The following BRWD1 variants were observed in gnomAD, a reference collection of about 807,000 sequenced individuals.
The protein encoded by BRWD1 is bromodomain and WD repeat-containing protein 1.
Under a neutral mutation model 251.2 loss-of-function variants are expected in BRWD1, and 82 were observed. The observed-to-expected ratio is 0.33, with a 90% confidence interval of 0.27 to 0.39. The LOEUF (loss-of-function observed/expected upper bound fraction) is 0.39, where lower values mean the gene tolerates loss of function less well. Among genes scored for constraint, BRWD1 ranks in the 10% least tolerant of loss-of-function variants. The probability of loss-of-function intolerance (pLI) is 1.00; values close to 1 mark genes in which losing one functional copy is unlikely to be tolerated. For missense variants in BRWD1, 2,233 were observed against 2,711.6 expected (o/e 0.82, Z 3.92); for synonymous variants, 918 against 902.8 (o/e 1.02, Z -0.30).
At chr21:39,308,554 T>C (rs2036364207) in intron 4 of BRWD1, among the ~76,000 whole-genome samples, 3 of 151,012 alleles carry the variant, frequency 2.0e-5, no homozygotes, top group Admixed American at 6.6e-5. Flanking sequence ...AATAACAGCA[T>C]GGTCACAAGT....
chr21:39,281,543 A>G (rs2146706903), intron 8 of BRWD1, among the ~76,000 whole-genome samples: 1 of 152,218 alleles, frequency 6.6e-6, no homozygotes, highest in East Asian at 1.9e-4. Flanking sequence ...AAAAAATACA[A>G]AATTGTCCAG....
At chr21:39,293,027 T>C (rs1249964657) in intron 8 of BRWD1, among the ~76,000 whole-genome samples, 1 of 152,172 alleles carries the variant, frequency 6.6e-6, no homozygotes, top group Non-Finnish European at 1.5e-5. Context: ...AATGAAATAT[T>C]TGCAGAAGAA....
At chr21:39,240,713 C>A (rs1209654736) in intron 21 of BRWD1, among the ~76,000 whole-genome samples, 1 of 152,114 alleles carries the variant, frequency 6.6e-6, no homozygotes, top group Non-Finnish European at 1.5e-5. Flanking sequence ...ATGGAGTGAT[C>A]TCAAAGATAT....
upstream of BRWD1, chr21:39,315,578 G>A (rs1410478343): frequency 6.6e-6 from 1 of 151,878 alleles, no homozygotes; most frequent in Non-Finnish European, 1.5e-5. Context: ...AGGCTGCAGT[G>A]AACCGAGATC....
At position 39,296,268 on chromosome 21, in the gene BRWD1, G is replaced by A. The variant is rs1232147124; in HGVS notation, c.445C>T (p.Leu149Phe). 1.3e-6 allele frequency: 2 copies of A among 1,592,098 alleles called. No individual in the cohort carries two copies. Among genetic ancestry groups the A allele is most frequent in the Non-Finnish European group, 1.7e-6 (2 of 1,172,214 alleles). ...CTCAAAGGCCAACCTTACTTACCAA[G>A]ATTTGGTGGGGAACCATAATTCACT... ...MPVNYGSPPNLVEIHRGKQLT... is the reference protein window; with the variant it reads ...MPVNYGSPPNFVEIHRGKQLT... Residue 149 changes from leucine to phenylalanine, a missense_variant, in exon 6 of 41, where the codon CTT (leucine) becomes TTT (phenylalanine). This residue lies in a region of BRWD1 where 185 missense variants were observed against 260.6 expected (regional missense o/e 0.71). Transcript: ENST00000342449.
intron 21 of BRWD1, among the ~76,000 whole-genome samples, chr21:39,247,141 G>A (rs1306869873): frequency 6.6e-6 from 1 of 152,122 alleles, no homozygotes; most frequent in East Asian, 1.9e-4. Context: ...AAAAGAAAAT[G>A]TATCAGTGAT....
intron 17 of BRWD1, among the ~76,000 whole-genome samples, chr21:39,259,045 T>C (rs935294872): frequency 6.6e-5 from 10 of 152,216 alleles, no homozygotes; most frequent in African/African-American, 1.9e-4. Context: ...AGAGCAACTA[T>C]GGGTCATTTC....
chr21:39,255,929 A>T (rs2034549083), intron 18 of BRWD1, 101 bp from the exon 19 acceptor site: 10 of 1,057,572 alleles, frequency 9.5e-6, no homozygotes, highest in Non-Finnish European at 1.4e-5. Flanking sequence ...CACCAAAAAT[A>T]AAGAACTAAG....
chr21:39,229,201 C>T, intron 26 of BRWD1, 111 bp downstream of exon 26: 1 of 950,488 alleles, frequency 1.1e-6, no homozygotes, highest in Non-Finnish European at 1.6e-6. Flanking sequence ...AGGCTATCCA[C>T]AGTGCTCTAC....
At chr21:39,216,226 C>T (rs779220213) in intron 31 of BRWD1, among the ~76,000 whole-genome samples, 1 of 152,072 alleles carries the variant, frequency 6.6e-6, no homozygotes, top group Non-Finnish European at 1.5e-5. Context: ...TTTATACTTA[C>T]CAGTGCTCTA....
intron 9 of BRWD1, among the ~76,000 whole-genome samples, chr21:39,279,233 T>C (rs1272921305): frequency 1.3e-5 from 2 of 152,258 alleles, no homozygotes; most frequent in African/African-American, 4.8e-5. Context: ...TATTTGAGAC[T>C]CAAAATACAT....
chr21:39,273,494 A>C (rs2146681986), intron 13 of BRWD1, among the ~76,000 whole-genome samples: 1 of 152,342 alleles, frequency 6.6e-6, no homozygotes, highest in South Asian at 2.1e-4. Flanking sequence ...TTAAAAACAA[A>C]GCATTTGGGA....
intron 20 of BRWD1, among the ~76,000 whole-genome samples, chr21:39,248,352 C>A (rs1378401819): frequency 6.6e-6 from 1 of 152,014 alleles, no homozygotes; most frequent in Non-Finnish European, 1.5e-5. Flanking sequence ...GGGCTTACAC[C>A]TGTAATTCCA....
rs199725868 is a variant in BRWD1 at position 39,263,642 on chromosome 21, A to G, written c.1885+818T>C. 2.2e-4 allele frequency among the ~76,000 whole-genome samples: 33 copies of G among 152,340 alleles called. 1 individual carries two copies. The East Asian group carries it at 6.4e-3, about 29-fold the overall frequency. On this transcript the variant is annotated intron_variant, in intron 17 of 40. Coordinates refer to ENST00000342449, the MANE Select transcript of BRWD1 (RefSeq NM_033656.4). ...AGGGAGCAATGATACATATGATGCA[A>G]TGACAGAACAATGATGAAGTTAGAA... is the stretch of plus-strand genomic sequence containing the variant.
intron 4 of BRWD1, among the ~76,000 whole-genome samples, chr21:39,301,989 T>TTG (rs2036133050): frequency 7.3e-6 from 1 of 137,154 alleles, no homozygotes; most frequent in Non-Finnish European, 1.5e-5. Flanking sequence ...TTTTTTTTTT[T>TTG]TTTTTTTTTT....
At chr21:39,244,109 G>A (rs944758032) in intron 21 of BRWD1, among the ~76,000 whole-genome samples, 1 of 151,846 alleles carries the variant, frequency 6.6e-6, no homozygotes, top group South Asian at 2.1e-4. Context: ...TGTCGCCCAG[G>A]CTGGAGTGCA....
chr21:39,309,803 C>T lies in BRWD1; in HGVS notation c.198+3038G>A, dbSNP rs112454521. ...TCGCACCGCTGCACTCCAGCCTGGG[C>T]GACAGAGCGAGACTCCGTCTCAAAA... On this transcript the variant is annotated intron_variant, in intron 4 of 40. Transcript: ENST00000342449. 4.8e-3 allele frequency among the ~76,000 whole-genome samples: 591 copies of T among 123,504 alleles called. 7 individuals carry two copies. Among genetic ancestry groups the T allele is most frequent in the African/African-American group, 0.018 (577 of 32,060 alleles). 81.0% of individuals were successfully genotyped at this position (123,504 alleles called of 152,430 possible). A position where few individuals can be genotyped will look rare whatever the true frequency, so the allele number is the denominator to read the frequency against.
At chr21:39,293,787 G>C in intron 8 of BRWD1, 24 bp downstream of exon 8, 3 of 1,572,844 alleles carry the variant, frequency 1.9e-6, no homozygotes, top group Non-Finnish European at 2.6e-6. Context: ...ATATAGGAAT[G>C]TGCCCACTAA....
At position 39,313,466 on chromosome 21, in the gene BRWD1, C is replaced by G; in HGVS notation, c.26G>C (p.Arg9Pro). 1.6e-6 allele frequency: 2 copies of G among 1,275,756 alleles called. No homozygotes were observed. The highest frequency in any genetic ancestry group is 1.9e-5 in the South Asian group (1 of 51,756). The allele number at this position is 1,275,756 out of a possible 1,614,324, so 79.0% of individuals were successfully genotyped here. The change falls in exon 1 of 41, where the codon CGC becomes CCC. Residue 9 changes from arginine to proline, a missense_variant. Around this residue, in one of 12 missense-constraint regions of BRWD1, gnomAD observed 101 missense variants for 95.6 expected, o/e 1.06. Coordinates refer to ENST00000342449, the MANE Select transcript of BRWD1 (RefSeq NM_033656.4). ...ACCCGACTCGATGAGAGGCACCGGG[C>G]GTCGGGCGGACGACGGCTCCGCCAT... MAEPSSAR[R>P]PVPLIESELY...
Sources: gnomAD v4.1 joint callset for allele counts (sites outside exome capture counted in the v4.1 genomes callset) on GRCh38, gnomAD v4.1.1 for gene constraint, gnomAD v4.1.1 regional missense constraint, MANE v1.5 for transcripts, NCBI Gene and HGNC (gene_info 2026-07-23, HGNC 2026-07-21) for gene names.